ARHGAP12: variants seen among roughly 807,000 people sequenced by gnomAD.
ARHGAP12 encodes rho GTPase-activating protein 12.
A neutral mutation model predicts 108.6 loss-of-function variants in ARHGAP12; 64 were observed. The ratio of observed to expected loss-of-function variants is 0.59; its 90% CI spans 0.48 to 0.73. The LOEUF is 0.73. Ranked by LOEUF, ARHGAP12 falls within the 30% of genes least tolerant of loss-of-function variation. The pLI, the probability that ARHGAP12 is intolerant of heterozygous loss-of-function variation, is 0.00. For missense variants in ARHGAP12, 940 were observed against 1,005.9 expected (o/e 0.93, Z 0.89); for synonymous variants, 312 against 337.2 (o/e 0.93, Z 0.82).
intron 11 of ARHGAP12, among the ~76,000 whole-genome samples, chr10:31,823,787 A>G (rs1418601757): frequency 1.3e-5 from 2 of 152,216 alleles, no homozygotes; most frequent in African/African-American, 4.8e-5. Context: ...GCTTCTGTAT[A>G]GCATCTTCCT....
chr10:31,819,638 C>T (rs1444615658), intron 12 of ARHGAP12, among the ~76,000 whole-genome samples: 1 of 152,178 alleles, frequency 6.6e-6, no homozygotes, highest in Non-Finnish European at 1.5e-5. Context: ...TCACTTGATG[C>T]AGCCTGGGGT....
chr10:31,906,524 A>T (rs999394623), intron 3 of ARHGAP12, among the ~76,000 whole-genome samples: 3 of 152,144 alleles, frequency 2.0e-5, no homozygotes, highest in Non-Finnish European at 4.4e-5. Flanking sequence ...TTTCCATCCC[A>T]TGGCTTTCAT....
Position 31,915,720 on chromosome 10 carries a change from A to G in ARHGAP12, c.-110-5157T>C, listed in dbSNP as rs142197302. 3.0e-4 allele frequency among the ~76,000 whole-genome samples: 46 copies of G among 152,344 alleles called. No homozygotes were observed. In the East Asian group the frequency reaches 8.1e-3, roughly 27 times the overall value. On this transcript the variant is annotated intron_variant, in intron 1 of 19. Transcript: ENST00000344936. ...TAATAAAAAACATACAGTGTTATCA[A>G]TTTTTTAAAAATGTGCTGAGAATGT...
intron 3 of ARHGAP12, among the ~76,000 whole-genome samples, chr10:31,898,864 C>CA (rs546260408): frequency 8.2e-4 from 122 of 148,148 alleles, no homozygotes; most frequent in Non-Finnish European, 1.7e-3. Flanking sequence ...CAACAACAAA[C>CA]AAAAAAAAAC....
chr10:31,922,700 G>A (rs1333285334), intron 1 of ARHGAP12, among the ~76,000 whole-genome samples: 1 of 151,886 alleles, frequency 6.6e-6, no homozygotes, highest in Non-Finnish European at 1.5e-5. Flanking sequence ...TGGCCCAGGC[G>A]GCTTCACTGG....
At chr10:31,850,699 T>C (rs1262352546) in intron 6 of ARHGAP12, among the ~76,000 whole-genome samples, 47 of 152,258 alleles carry the variant, frequency 3.1e-4, no homozygotes. Flanking sequence ...TGGAAGACAA[T>C]GAAATATTTG....
At chr10:31,826,198 A>G in intron 11 of ARHGAP12, 106 bp downstream of exon 11, 2 of 755,946 alleles carry the variant, frequency 2.6e-6, no homozygotes, top group Non-Finnish European at 4.2e-6. Flanking sequence ...TTATTTGCAC[A>G]CTAGCTATAA....
chr10:31,843,474 T>C lies in ARHGAP12; in HGVS notation c.1283A>G (p.Asp428Gly). The change falls in exon 7 of 20, where the codon GAC (aspartate) becomes GGC (glycine). Residue 428 changes from aspartate to glycine, a missense_variant. Physicochemically the swap from Asp to Gly is moderately conservative, Grantham distance 94. Coordinates refer to ENST00000344936, the MANE Select transcript of ARHGAP12 (RefSeq NM_018287.7). ...TKWRHSTIVL[D>G]TNDKESPTAS... ...CAACAGTCCTACCTTATCATTAGTG[T>C]CCAATACAATGGTGCTATGTCTCCA... 1.2e-6 allele frequency: 2 copies of C among 1,612,922 alleles called. No individual in the cohort carries two copies. The highest frequency in any genetic ancestry group is 2.2e-5 in the East Asian group (1 of 44,848).
At chr10:31,834,026 G>T (rs996191625) in intron 9 of ARHGAP12, among the ~76,000 whole-genome samples, 1 of 152,012 alleles carries the variant, frequency 6.6e-6, no homozygotes, top group East Asian at 1.9e-4. Flanking sequence ...CAGAGAAAAG[G>T]GGCCCAATTT....
intron 1 of ARHGAP12, among the ~76,000 whole-genome samples, chr10:31,915,496 G>A (rs1171086535): frequency 6.6e-6 from 1 of 152,062 alleles, no homozygotes; most frequent in Non-Finnish European, 1.5e-5. Context: ...AGTCAAATAG[G>A]AGGAATAAAT....
At chr10:31,871,859 A>G (rs773805973) in intron 3 of ARHGAP12, among the ~76,000 whole-genome samples, 7 of 152,194 alleles carry the variant, frequency 4.6e-5, no homozygotes, top group Non-Finnish European at 1.0e-4. Context: ...ACAATTAGGA[A>G]GTTTATTACA....
At chr10:31,897,590 T>G (rs1048157857) in intron 3 of ARHGAP12, among the ~76,000 whole-genome samples, 1 of 152,122 alleles carries the variant, frequency 6.6e-6, no homozygotes, top group Non-Finnish European at 1.5e-5. Flanking sequence ...CACTGATGTC[T>G]GAAGAATTTA....
At chr10:31,920,428 C>A (rs190814753) in intron 1 of ARHGAP12, among the ~76,000 whole-genome samples, 72 of 111,840 alleles carry the variant, frequency 6.4e-4, no homozygotes, top group East Asian at 4.8e-3. Context: ...CCAGCCTAGG[C>A]GACAGAGTGA....
rs141336492 is a variant in ARHGAP12, at chr10:31,873,891, T to TA, written c.685-12234dup. Among the ~76,000 whole-genome samples the TA allele has an allele frequency of 9.1e-3, 1,391 of 152,368 alleles. 13 individuals are homozygous for TA. The highest frequency in any genetic ancestry group is 0.032 in the African/African-American group (1,321 of 41,588). ...TCAATGGGACATTATGCTGAGATAG[T>TA]AAGACTTAGTTACTATTTTATGCTG... On this transcript the variant is annotated intron_variant, in intron 3 of 19. Coordinates refer to ENST00000344936, the MANE Select transcript of ARHGAP12 (RefSeq NM_018287.7).
chr10:31,863,682 A>C (rs1190195785), intron 3 of ARHGAP12, among the ~76,000 whole-genome samples: 2 of 152,166 alleles, frequency 1.3e-5, no homozygotes, highest in Admixed American at 6.5e-5. Context: ...AAACATTAGA[A>C]ATCTAGCACT....
chr10:31,896,352 T>C (rs1185775329), intron 3 of ARHGAP12, among the ~76,000 whole-genome samples: 1 of 151,198 alleles, frequency 6.6e-6, no homozygotes, highest in Non-Finnish European at 1.5e-5. Context: ...TAAACATTTC[T>C]AGATTTATGG....
chr10:31,886,358 T>C (rs574223536), intron 3 of ARHGAP12, among the ~76,000 whole-genome samples: 1 of 152,304 alleles, frequency 6.6e-6, no homozygotes, highest in South Asian at 2.1e-4. Flanking sequence ...ACTACAATTA[T>C]CTATGTGTTT....
At chr10:31,902,507 C>G (rs1838969192) in intron 3 of ARHGAP12, among the ~76,000 whole-genome samples, 1 of 151,962 alleles carries the variant, frequency 6.6e-6, no homozygotes, top group Admixed American at 6.6e-5. Context: ...GAAACTCTAT[C>G]TCTACAAAAA....
intron 5 of ARHGAP12, 125 bp downstream of exon 5, chr10:31,853,941 T>G: frequency 9.8e-7 from 1 of 1,024,910 alleles, no homozygotes; most frequent in Non-Finnish European, 1.4e-6. Flanking sequence ...ATTGGCATGA[T>G]TATAAAGTTA....
Sources: gnomAD v4.1 joint callset for allele counts (sites outside exome capture counted in the v4.1 genomes callset) on GRCh38, gnomAD v4.1.1 for gene constraint, MANE v1.5 for transcripts, NCBI Gene and HGNC (gene_info 2026-07-23, HGNC 2026-07-21) for gene names.